Variants in FGD5 observed in about 807,000 individuals in gnomAD.
FGD5 encodes FYVE, RhoGEF and PH domain-containing protein 5.
Under a neutral mutation model 133.4 loss-of-function variants are expected in FGD5, and 28 were observed. The observed-to-expected ratio is 0.21, with a 90% confidence interval of 0.16 to 0.29. The LOEUF (loss-of-function observed/expected upper bound fraction) is 0.29, where lower values mean the gene tolerates loss of function less well. Ranked by LOEUF, FGD5 falls within the 10% of genes least tolerant of loss-of-function variation. The pLI is 1.00. For synonymous variants in FGD5, 810 were observed against 776.5 expected, an observed-to-expected ratio of 1.04 and a Z score of -0.72; for missense variants, 1,858 against 1,895.2, an observed-to-expected ratio of 0.98 and a Z score of 0.36.
At chr3:14,872,921 C>A (rs1403427742) in intron 2 of FGD5, among the ~76,000 whole-genome samples, 2 of 152,202 alleles carry the variant, frequency 1.3e-5, no homozygotes, top group African/African-American at 4.8e-5. Flanking sequence ...TATCTTGAGG[C>A]CAGTGCTTGT....
intron 13 of FGD5, among the ~76,000 whole-genome samples, chr3:14,920,973 C>G (rs2038668388): frequency 6.6e-6 from 1 of 152,198 alleles, no homozygotes; most frequent in Non-Finnish European, 1.5e-5. Flanking sequence ...CCTCACCTCT[C>G]CTTGTGATAA....
intron 1 of FGD5, among the ~76,000 whole-genome samples, chr3:14,839,223 C>A (rs1471425248): frequency 6.6e-6 from 1 of 152,194 alleles, no homozygotes; most frequent in Non-Finnish European, 1.5e-5. Flanking sequence ...TGGGGGAATT[C>A]ATTTAACCTT....
intron 4 of FGD5, among the ~76,000 whole-genome samples, chr3:14,892,819 CAA>C (rs11297152): frequency 2.5e-4 from 37 of 146,828 alleles, no homozygotes; most frequent in South Asian, 6.5e-4. Context: ...AAATCCATCT[CAA>C]AAAAAAAAAA....
Position 14,924,083 on chromosome 3 carries a change from G to C in FGD5, c.4013G>C (p.Ser1338Thr), listed in dbSNP as rs751590384. ...AGTGCCTTTTCATCCGTCTTCCAGA[G>C]CATTAACCCCTCGACCTTCAAGAAG... Reference protein sequence around the residue: ...SGSAFSSVFQSINPSTFKKQK... With the variant: ...SGSAFSSVFQTINPSTFKKQK... Residue 1338 changes from serine (S) to threonine (T), a missense_variant, in exon 17 of 20, where the codon AGC (serine) becomes ACC (threonine). Physicochemically the swap from Ser to Thr is moderately conservative, Grantham distance 58. Transcript: ENST00000285046. 6.2e-7 allele frequency: 1 copy of C among 1,614,006 alleles called. No homozygotes were observed. The highest frequency in any genetic ancestry group is 2.2e-5 in the East Asian group (1 of 44,882).
intron 1 of FGD5, among the ~76,000 whole-genome samples, chr3:14,843,703 T>TTTTTGG (rs2036969621): frequency 8.1e-6 from 1 of 124,020 alleles, no homozygotes; most frequent in Non-Finnish European, 1.6e-5. Context: ...TTTTTTTTTT[T>TTTTTGG]GGGGGGAGAC....
rs914635309 is a variant in FGD5 at position 14,821,493 on chromosome 3, A to G, written c.2422A>G (p.Ser808Gly). The change falls in exon 1 of 20, where the codon AGC (serine) becomes GGC (glycine). Residue 808 changes from serine to glycine, a missense_variant. Ser to Gly is a moderately conservative substitution (Grantham distance 56). Coordinates refer to ENST00000285046, the MANE Select transcript of FGD5 (RefSeq NM_152536.4). ...GTTCACGAAGCTGTTTGAAGATCAG[A>G]GCAGAGCCCTGTCCACAGCAAACGA... ...GAFTKLFEDQSRALSTANEND... is the reference protein window; with the variant it reads ...GAFTKLFEDQGRALSTANEND... 3 of 1,613,906 alleles carry G rather than the reference A, an allele frequency of 1.9e-6. No individual in the cohort carries two copies. In the African/African-American group the frequency reaches 4.0e-5, roughly 22 times the overall value.
chr3:14,894,999 G>A (rs2038105661), intron 4 of FGD5, among the ~76,000 whole-genome samples: 1 of 152,106 alleles, frequency 6.6e-6, no homozygotes. Context: ...CCATTTGTAT[G>A]TCTTCTTTAG....
chr3:14,895,946 CAG>C (rs370888827), intron 4 of FGD5, among the ~76,000 whole-genome samples: 85 of 151,472 alleles, frequency 5.6e-4, no homozygotes, highest in African/African-American at 2.0e-3. Context: ...TTGCAGAATA[CAG>C]AGTCAGCATA....
At chr3:14,923,503 C>T (rs543140537) in intron 16 of FGD5, among the ~76,000 whole-genome samples, 9 of 152,050 alleles carry the variant, frequency 5.9e-5, no homozygotes, top group African/African-American at 2.2e-4. Flanking sequence ...GTGCCTGTAG[C>T]GCCTTTCTGG....
intron 13 of FGD5, among the ~76,000 whole-genome samples, chr3:14,920,770 A>G (rs1237567218): frequency 6.6e-6 from 1 of 152,216 alleles, no homozygotes; most frequent in Non-Finnish European, 1.5e-5. Context: ...TGAGGCTTGC[A>G]AAAGGGTCAC....
At chr3:14,911,391 G>A (rs932888320) in intron 11 of FGD5, among the ~76,000 whole-genome samples, 1 of 152,172 alleles carries the variant, frequency 6.6e-6, no homozygotes, top group Non-Finnish European at 1.5e-5. Context: ...GGAGTGTCCA[G>A]GCCTAGGGTA....
upstream of FGD5, among the ~76,000 whole-genome samples, chr3:14,818,614 G>A (rs374838449): frequency 6.6e-6 from 1 of 152,148 alleles, no homozygotes; most frequent in East Asian, 1.9e-4. Context: ...TGGTTGCTGG[G>A]TCATAGAAAG....
At chr3:14,896,662 G>A (rs1022502417) in intron 4 of FGD5, among the ~76,000 whole-genome samples, 2 of 152,014 alleles carry the variant, frequency 1.3e-5, no homozygotes, top group African/African-American at 4.8e-5. Flanking sequence ...GTAGAGACAG[G>A]GTTTCTCCAT....
Position 14,922,344 on chromosome 3 carries a change from C to T in FGD5, c.3670-67C>T. 6.5e-7 allele frequency: 1 copy of T among 1,543,854 alleles called. No homozygotes were observed. Among genetic ancestry groups the T allele is most frequent in the Non-Finnish European group, 8.8e-7 (1 of 1,141,710 alleles). On this transcript the variant is annotated intron_variant, in intron 14 of 19. Transcript: ENST00000285046. The surrounding 1 kb of genome is among the most constrained non-coding windows in gnomAD (Gnocchi z 4.1). ...GCACAGAGACGCAGGGCAGGGCTCA[C>T]TGGGCTCTGCATCTGGCTGGTCTCC...
intron 2 of FGD5, among the ~76,000 whole-genome samples, chr3:14,868,413 C>G (rs1182789163): frequency 6.6e-6 from 1 of 152,266 alleles, no homozygotes; most frequent in Non-Finnish European, 1.5e-5. Flanking sequence ...TCTGCTCTTG[C>G]CGGGCCGGCT....
At position 14,820,137 on chromosome 3, in the gene FGD5, T is replaced by G. The variant is rs1342018400; in HGVS notation, c.1066T>G (p.Ser356Ala). 1.9e-6 allele frequency: 3 copies of G among 1,613,918 alleles called. No homozygotes were observed. Among genetic ancestry groups the G allele is most frequent in the Admixed American group, 1.7e-5 (1 of 60,004 alleles). ...TGAGTTCTTCCCAACTGAGAGCACC[T>G]CTTTTTGCAGCGAGAGCTGTTCTCC... ...PYEFFPTEST[S>A]FCSESCSPLS... Residue 356 changes from serine (S) to alanine (A), a missense_variant, in exon 1 of 20, where the codon TCT becomes GCT. Ser to Ala is a moderately conservative substitution (Grantham distance 99). Transcript: ENST00000285046.
At chr3:14,844,949 T>C (rs1374613464) in intron 1 of FGD5, among the ~76,000 whole-genome samples, 2 of 152,182 alleles carry the variant, frequency 1.3e-5, no homozygotes, top group Non-Finnish European at 2.9e-5. Flanking sequence ...TCCCGTTACC[T>C]TCTAAGGTGT....
intron 1 of FGD5, among the ~76,000 whole-genome samples, chr3:14,813,682 A>C (rs540681929): frequency 6.6e-6 from 1 of 152,178 alleles, no homozygotes; most frequent in Non-Finnish European, 1.5e-5. Flanking sequence ...GCAGATGGGG[A>C]AGCCGAGGCC....
At chr3:14,833,179 G>C (rs541122516) in intron 1 of FGD5, among the ~76,000 whole-genome samples, 85 of 152,320 alleles carry the variant, frequency 5.6e-4, no homozygotes, top group Non-Finnish European at 9.4e-4. Context: ...GTGTTTCCCT[G>C]TGTTGGAGAG....
Sources: gnomAD v4.1 joint callset for allele counts (sites outside exome capture counted in the v4.1 genomes callset) on GRCh38, gnomAD v4.1.1 for gene constraint, Gnocchi (gnomAD v3.1) non-coding constraint, MANE v1.5 for transcripts, NCBI Gene and HGNC (gene_info 2026-07-23, HGNC 2026-07-21) for gene names.